The following ZBTB40 variants were observed in gnomAD, a reference collection of about 807,000 sequenced individuals.
ZBTB40 encodes the protein zinc finger and BTB domain-containing protein 40.
ZBTB40 carries 60 observed loss-of-function variants against 117.5 expected under a neutral mutation model. The observed-to-expected ratio is 0.51, with a 90% CI of 0.41 to 0.63. The LOEUF is 0.63. Ranked by LOEUF, ZBTB40 falls within the 30% of genes least tolerant of loss-of-function variation. The probability of loss-of-function intolerance (pLI) is 0.00; values close to 1 mark genes in which losing one functional copy is unlikely to be tolerated. For missense variants in ZBTB40, 1,287 were observed against 1,498.5 expected, an observed-to-expected ratio of 0.86 and a Z score of 2.33; for synonymous variants, 525 against 577.1, an observed-to-expected ratio of 0.91 and a Z score of 1.29.
At chr1:22,482,470 A>T (rs1166366175) in intron 1 of ZBTB40, among the ~76,000 whole-genome samples, 2 of 152,168 alleles carry the variant, frequency 1.3e-5, no homozygotes, top group African/African-American at 4.8e-5. Context: ...CTTATAATTG[A>T]TGAACCTACA....
chr1:22,498,164 T>C (rs1638828426), intron 3 of ZBTB40, among the ~76,000 whole-genome samples: 1 of 152,232 alleles, frequency 6.6e-6, no homozygotes, highest in Non-Finnish European at 1.5e-5. Context: ...ATTACTTCTG[T>C]GACCTTATTA....
chr1:22,457,243 G>A (rs922218171), intron 1 of ZBTB40, among the ~76,000 whole-genome samples: 6 of 152,140 alleles, frequency 3.9e-5, no homozygotes, highest in Non-Finnish European at 8.8e-5. Flanking sequence ...CTTTATCTCT[G>A]TGAAAAGAAA....
At chr1:22,440,379 G>A (rs893906373) in intron 1 of ZBTB40, among the ~76,000 whole-genome samples, 1 of 152,214 alleles carries the variant, frequency 6.6e-6, no homozygotes, top group Non-Finnish European at 1.5e-5. Flanking sequence ...TGGCATGCCT[G>A]TAGTCCCAGC....
intron 1 of ZBTB40, among the ~76,000 whole-genome samples, chr1:22,431,384 G>GTGTGTGTGTGTGTATATA (rs1222294324): frequency 8.4e-6 from 1 of 119,698 alleles, no homozygotes; most frequent in African/African-American, 3.7e-5. Context: ...GTGTGTGTGT[G>GTGTGTGTGTGTGTATATA]TATATATATA....
intron 1 of ZBTB40, among the ~76,000 whole-genome samples, chr1:22,436,908 G>A (rs1640677238): frequency 6.6e-6 from 1 of 152,052 alleles, no homozygotes; most frequent in Non-Finnish European, 1.5e-5. Flanking sequence ...CATCTATAGG[G>A]ACAGAAAACA....
chr1:22,436,944 A>C (rs983248043), intron 1 of ZBTB40, among the ~76,000 whole-genome samples: 1 of 152,102 alleles, frequency 6.6e-6, no homozygotes, highest in Non-Finnish European at 1.5e-5. Flanking sequence ...GGAGATGAGG[A>C]TTGGAGAGAT....
intron 1 of ZBTB40, among the ~76,000 whole-genome samples, chr1:22,445,832 G>A (rs1333957671): frequency 6.8e-6 from 1 of 146,882 alleles, no homozygotes; most frequent in African/African-American, 2.5e-5. Flanking sequence ...TCCAGCCTGG[G>A]CAATAGCGCA....
intron 13 of ZBTB40, chr1:22,519,581 A>G (rs992912834): frequency 8.3e-6 from 2 of 240,150 alleles, no homozygotes; most frequent in African/African-American, 4.5e-5. Flanking sequence ...TCATTATGCT[A>G]ATGTTTTTAT....
At chr1:22,441,049 A>G (rs749600865) in intron 1 of ZBTB40, among the ~76,000 whole-genome samples, 8 of 152,144 alleles carry the variant, frequency 5.3e-5, no homozygotes, top group Non-Finnish European at 1.2e-4. Context: ...TCTGAAAATA[A>G]TTGGTATTAG....
rs1638631011 is a variant in ZBTB40, at chr1:22,491,502, TG to T, written c.801del (p.Met267IlefsTer12). ...VTQDVLKKLE[M>X]CSEIKGPQKE... Reference sequence around the variant, plus strand: ...CAGGATGTTTTAAAAAAACTAGAAATGTGTTCAGAAATTAAAGGTCCACAGA... The same window carrying T: ...CAGGATGTTTTAAAAAAACTAGAAATTGTTCAGAAATTAAAGGTCCACAGA... On this transcript the variant is annotated frameshift_variant, in exon 3 of 18. Transcript: ENST00000375647. LOFTEE classifies it high-confidence loss of function. 6.2e-7 allele frequency: 1 copy of T among 1,613,878 alleles called. No homozygotes were observed. Among genetic ancestry groups the T allele is most frequent in the Admixed American group, 1.7e-5 (1 of 60,000 alleles).
upstream of ZBTB40, among the ~76,000 whole-genome samples, chr1:22,448,337 CATT>C (rs987843213): frequency 1.3e-5 from 2 of 152,182 alleles, no homozygotes; most frequent in African/African-American, 2.4e-5. Flanking sequence ...TCATTATTAT[CATT>C]ATTATCTCCC....
At chr1:22,439,679 A>T (rs1040817528) in intron 1 of ZBTB40, among the ~76,000 whole-genome samples, 4 of 151,838 alleles carry the variant, frequency 2.6e-5, no homozygotes, top group Middle Eastern at 3.4e-3. Context: ...TCTTTATTCT[A>T]CTCCATTAGT....
At chr1:22,511,093 CTT>C (rs34404742) in intron 9 of ZBTB40, 84 bp from the exon 10 acceptor site, 125,990 of 1,295,444 alleles carry the variant, frequency 0.097, no homozygotes, top group East Asian at 0.13. Context: ...CTGGGATTAG[CTT>C]TTTTTTTTTT....
At chr1:22,524,131 C>T (rs1639612014) in intron 16 of ZBTB40, 87 bp from the exon 17 acceptor site, 4 of 1,295,860 alleles carry the variant, frequency 3.1e-6, no homozygotes, top group Middle Eastern at 1.8e-4. Flanking sequence ...ATTGCTCTTT[C>T]CTCTCATGTC....
At chr1:22,522,945 C>CTTTTTTTTTTTTTTTTTTTTTTTTTTT (rs34232963) in intron 16 of ZBTB40, among the ~76,000 whole-genome samples, 2 of 93,910 alleles carry the variant, frequency 2.1e-5, no homozygotes, top group Non-Finnish European at 4.2e-5. Context: ...TAAGATGTAC[C>CTTTTTTTTTTTTTTTTTTTTTTTTTTT]TTTTTTTTTT....
At chr1:22,501,751 C>T in intron 4 of ZBTB40, 67 bp downstream of exon 4, 1 of 1,527,740 alleles carries the variant, frequency 6.5e-7, no homozygotes, top group Non-Finnish European at 8.9e-7. Flanking sequence ...GAAGTTTGTT[C>T]CAATGACATG....
upstream of ZBTB40, among the ~76,000 whole-genome samples, chr1:22,448,065 A>G (rs1391715270): frequency 2.0e-5 from 3 of 152,214 alleles, no homozygotes; most frequent in Admixed American, 2.0e-4. Context: ...TTAAAGACTC[A>G]GCTTTTGCAG....
At chr1:22,522,324 G>T in intron 15 of ZBTB40, 53 bp from the exon 16 acceptor site, 1 of 1,585,550 alleles carries the variant, frequency 6.3e-7, no homozygotes, top group Non-Finnish European at 8.7e-7. Flanking sequence ...TTCAGCCTTG[G>T]AGAGCCAACC....
Position 22,491,503 on chromosome 1 carries a change from G to A in ZBTB40, c.801G>A (p.Met267Ile), listed in dbSNP as rs36115661. 5.3e-3 allele frequency: 8,493 copies of A among 1,613,948 alleles called. 376 individuals are homozygous for A. The African/African-American group carries it at 0.095, about 18-fold the overall frequency. The part of the protein sequence containing the change: ...VTQDVLKKLE[M>I]CSEIKGPQKE... ...AGGATGTTTTAAAAAAACTAGAAAT[G>A]TGTTCAGAAATTAAAGGTCCACAGA... The change falls in exon 3 of 18, where the codon ATG (methionine) becomes ATA (isoleucine). Residue 267 changes from methionine (M) to isoleucine (I), a missense_variant. Transcript: ENST00000375647.
Sources: gnomAD v4.1 joint callset for allele counts (sites outside exome capture counted in the v4.1 genomes callset) on GRCh38, gnomAD v4.1.1 for gene constraint, MANE v1.5 for transcripts, NCBI Gene and HGNC (gene_info 2026-07-23, HGNC 2026-07-21) for gene names.